CARD10: variants seen among roughly 807,000 people sequenced by gnomAD.
CARD10 encodes the protein caspase recruitment domain family member 10.
In CARD10, 49 loss-of-function variants were observed where a neutral mutation model predicts 114.6. That is an observed-to-expected ratio of 0.43 (90% CI 0.34 to 0.54). The LOEUF (loss-of-function observed/expected upper bound fraction) is 0.54, where lower values mean the gene tolerates loss of function less well. CARD10 is among the 20% of genes least tolerant of loss of function. The pLI, the probability that CARD10 is intolerant of heterozygous loss-of-function variation, is 0.03. For missense variants in CARD10, 1,206 were observed against 1,397.2 expected, an observed-to-expected ratio of 0.86 and a Z score of 2.18; for synonymous variants, 602 against 593.2, an observed-to-expected ratio of 1.01 and a Z score of -0.21.
chr22:37,496,848 C>T lies in CARD10; in HGVS notation c.1947+171G>A, dbSNP rs1408638971. 2.0e-5 allele frequency: 16 copies of T among 819,590 alleles called. No homozygotes were observed. The highest frequency in any genetic ancestry group is 2.9e-5 in the Non-Finnish European group (15 of 517,826). The allele number at this position is 819,590 out of a possible 1,614,324, so 50.8% of individuals were successfully genotyped here. A position where few individuals can be genotyped will look rare whatever the true frequency, so the allele number is the denominator to read the frequency against. ...ACCTCCCAGTCCCTGCCCAATCAGA[C>T]TTCAATTAAGCCTGGCTGAGCAGGC... On this transcript the variant is annotated intron_variant, in intron 12 of 19. Coordinates refer to ENST00000251973, the MANE Select transcript of CARD10 (RefSeq NM_014550.4). This position sits in a 1 kb window ranked among gnomAD's most constrained non-coding sequence, Gnocchi z 4.1.
Position 37,501,933 on chromosome 22 carries a change from G to A in CARD10, c.1787+669C>T, listed in dbSNP as rs1037554606. On this transcript the variant is annotated intron_variant, in intron 11 of 19. Coordinates refer to ENST00000251973, the MANE Select transcript of CARD10 (RefSeq NM_014550.4). The surrounding 1 kb of genome is among the most constrained non-coding windows in gnomAD (Gnocchi z 5.4). ...CCCTCGCTCCTCCTCCACAGTCACC[G>A]GATGCTCTCCCTACCTGCCCTCTCC... 5.3e-5 allele frequency among the ~76,000 whole-genome samples: 8 copies of A among 152,306 alleles called. No homozygotes were observed. Among genetic ancestry groups the A allele is most frequent in the East Asian group, 1.9e-4 (1 of 5,184 alleles).
rs893492438 is a variant in CARD10 at position 37,501,132 on chromosome 22, C to CCT, written c.1787+1468_1787+1469dup. Among the ~76,000 whole-genome samples, 3 of 151,636 alleles carry CCT rather than the reference C, an allele frequency of 2.0e-5. No individual in the cohort carries two copies. Among genetic ancestry groups the CCT allele is most frequent in the African/African-American group, 4.8e-5 (2 of 41,296 alleles). ...TCTCCCTCTCCTCTCCGCCTGTCTG[C>CCT]CTCTCTCTCTCTCTTTCTCTCTCTC... On this transcript the variant is annotated intron_variant, in intron 11 of 19. Coordinates refer to ENST00000251973, the MANE Select transcript of CARD10 (RefSeq NM_014550.4). This position sits in a 1 kb window ranked among gnomAD's most constrained non-coding sequence, Gnocchi z 5.4.
intron 15 of CARD10, among the ~76,000 whole-genome samples, chr22:37,495,160 G>T (rs999288294): frequency 6.6e-6 from 1 of 152,100 alleles, no homozygotes; most frequent in African/African-American, 2.4e-5. Flanking sequence ...TAGAGACGGG[G>T]TTTCACCGTG....
chr22:37,495,872 T>G lies in CARD10; in HGVS notation c.2191A>C (p.Ile731Leu). The G allele has an allele frequency of 6.2e-7, 1 of 1,614,036 alleles. No individual in the cohort carries two copies. The highest frequency in any genetic ancestry group is 8.5e-7 in the Non-Finnish European group (1 of 1,180,034). The change falls in exon 14 of 20, where the codon ATC (isoleucine) becomes CTC (leucine). Residue 731 changes from isoleucine (I) to leucine (L), a missense_variant. This residue lies in a region of CARD10 where 1,068 missense variants were observed against 1,179.1 expected (regional missense o/e 0.91). Transcript: ENST00000251973. ...TATGCCGAGTCCACCAGTCGAAGGA[T>G]CTCTTGGGCTTTCACGCAAAGGGCA... ...PHALCVKAQE[I>L]LRLVDSAYKR...
At chr22:37,517,022 T>G (rs1393114041) in intron 2 of CARD10, among the ~76,000 whole-genome samples, 6 of 152,230 alleles carry the variant, frequency 3.9e-5, no homozygotes, top group African/African-American at 9.6e-5. Flanking sequence ...GTAGGAGGTA[T>G]GTTGATTTAA....
At chr22:37,504,555 TC>T in intron 8 of CARD10, 79 bp downstream of exon 8, 1 of 1,454,794 alleles carries the variant, frequency 6.9e-7, no homozygotes, top group Non-Finnish European at 9.1e-7. Flanking sequence ...GTGAAATGGA[TC>T]CTTCAGAAAG....
rs1491025915 is a variant in CARD10, at chr22:37,495,606, CAT to C, written c.2304-22_2304-21del. Reference sequence around the variant, plus strand: ...TGGGCTCTGTGGGAGGGAGTGACATCATGTGTGTAGAAAGAAGGAAAGCTCCT... The same window carrying C: ...TGGGCTCTGTGGGAGGGAGTGACATCGTGTGTAGAAAGAAGGAAAGCTCCT... On this transcript the variant is annotated intron_variant, in intron 14 of 19. Transcript: ENST00000251973. The C allele has an allele frequency of 6.2e-7, 1 of 1,613,308 alleles. No individual in the cohort carries two copies. Among genetic ancestry groups the C allele is most frequent in the Non-Finnish European group, 8.5e-7 (1 of 1,179,640 alleles).
At chr22:37,507,722 G>T in intron 6 of CARD10, 107 bp downstream of exon 6, 3 of 1,383,836 alleles carry the variant, frequency 2.2e-6, no homozygotes, top group Non-Finnish European at 1.0e-6. Context: ...AACAGGGAGC[G>T]GCTAACGTCT....
chr22:37,490,852 C>T lies in CARD10; in HGVS notation c.*307G>A, dbSNP rs1024547119. 7.2e-6 allele frequency: 3 copies of T among 418,190 alleles called. No individual in the cohort carries two copies. Among genetic ancestry groups the T allele is most frequent in the African/African-American group, 2.0e-5 (1 of 49,532 alleles). 25.9% of individuals were successfully genotyped at this position (418,190 alleles called of 1,614,324 possible). On this transcript the variant is annotated 3_prime_UTR_variant, in exon 20 of 20. Transcript: ENST00000251973. ...GCAAACCTGCGCACAGGTGTGAGAA[C>T]AGACTCCAGGGCGAGTGTTTAAGGA...
chr22:37,495,420 A>C, intron 15 of CARD10, 97 bp downstream of exon 15: 1 of 870,402 alleles, frequency 1.1e-6, no homozygotes, highest in Non-Finnish European at 1.8e-6. Flanking sequence ...GGAGGGAGGG[A>C]GTGTCTTCCT....
intron 3 of CARD10, among the ~76,000 whole-genome samples, chr22:37,511,466 AAGG>A (rs1047509847): frequency 3.6e-5 from 5 of 139,894 alleles, no homozygotes; most frequent in Non-Finnish European, 7.7e-5. Context: ...GGAGAAGGAG[AAGG>A]AGGAGGCGGG....
At chr22:37,517,735 T>C (rs76520394) in intron 2 of CARD10, among the ~76,000 whole-genome samples, 1 of 152,250 alleles carries the variant, frequency 6.6e-6, no homozygotes, top group Non-Finnish European at 1.5e-5. Context: ...CTGAAAACAG[T>C]ATCACGAAGA....
intron 7 of CARD10, among the ~76,000 whole-genome samples, 159 bp from the exon 8 acceptor site, chr22:37,504,928 T>G (rs6000752): frequency 2.6e-5 from 4 of 152,108 alleles, no homozygotes; most frequent in African/African-American, 9.7e-5. Context: ...CCAGCAGACA[T>G]GTGAACAAAA....
chr22:37,495,251 C>A (rs1379626049), intron 15 of CARD10, among the ~76,000 whole-genome samples: 1 of 152,240 alleles, frequency 6.6e-6, no homozygotes, highest in Non-Finnish European at 1.5e-5. Flanking sequence ...CAGGCGTGAG[C>A]CACTGTGCCC....
chr22:37,512,458 C>A (rs917025624), intron 3 of CARD10, among the ~76,000 whole-genome samples: 7 of 130,168 alleles, frequency 5.4e-5, no homozygotes, highest in Non-Finnish European at 9.5e-5. Context: ...GAATGGCAGC[C>A]CCCCCTCCAC....
Position 37,519,103 on chromosome 22 carries a change from C to T in CARD10, c.98G>A (p.Gly33Asp). The T allele has an allele frequency of 6.3e-7, 1 of 1,588,592 alleles. No individual in the cohort carries two copies. The highest frequency in any genetic ancestry group is 1.1e-5 in the South Asian group (1 of 89,060). Residue 33 changes from glycine (G) to aspartate (D), a missense_variant, in exon 1 of 20, where the codon GGC becomes GAC. Physicochemically the swap from Gly to Asp is moderately conservative, Grantham distance 94. This residue lies in a region of CARD10 where 138 missense variants were observed against 218.0 expected (regional missense o/e 0.63). Transcript: ENST00000251973. The surrounding 1 kb of genome is among the most constrained non-coding windows in gnomAD (Gnocchi z 4.1). ...EEDALWERIEGVRHRLARALN... is the reference protein window; with the variant it reads ...EEDALWERIEDVRHRLARALN... ...GGCGCGAGCCAGCCGATGCCGGACG[C>T]CCTCGATTCGCTCCCACAGCGCGTC...
Position 37,516,090 on chromosome 22 carries a change from C to A in CARD10, c.582G>T (p.Ala194=). The stretch of plus-strand genomic sequence containing the variant: ...TGAGCCGCAGCAGCTCCAGGCTGCC[C>A]GCCTCCCAGTCCTCCCGCAGCCGTT... ...RCQRLREDWE[A]GSLELLRLKD... Residue 194 remains alanine (A), a synonymous_variant, in exon 3 of 20, where the codon GCG becomes GCT. Coordinates refer to ENST00000251973, the MANE Select transcript of CARD10 (RefSeq NM_014550.4). The A allele has an allele frequency of 6.3e-7, 1 of 1,595,480 alleles. No homozygotes were observed. Among genetic ancestry groups the A allele is most frequent in the East Asian group, 2.3e-5 (1 of 43,970 alleles).
Position 37,496,497 on chromosome 22 carries a change from A to G in CARD10, c.2011T>C (p.Leu671=), listed in dbSNP as rs777296878. 7.0e-5 allele frequency: 113 copies of G among 1,613,750 alleles called. 1 individual carries two copies. The South Asian group carries it at 1.2e-3, about 17-fold the overall frequency. Residue 671 remains leucine, a synonymous_variant, in exon 13 of 20, where the codon TTG becomes CTG. Transcript: ENST00000251973. The surrounding 1 kb of genome is among the most constrained non-coding windows in gnomAD (Gnocchi z 4.1). ...CLEAEAQQRT[L]LWNQGSTLPS... is the part of the protein sequence containing the mutation. Reference sequence around the variant, plus strand: ...AGTGTGGACCCCTGATTCCAGAGCAAGGTTCTCTGCTGGGCCTCGGCTTCC... The same window carrying G: ...AGTGTGGACCCCTGATTCCAGAGCAGGGTTCTCTGCTGGGCCTCGGCTTCC...
At chr22:37,491,471 A>C in intron 19 of CARD10, 78 bp from the exon 20 acceptor site, 1 of 1,035,628 alleles carries the variant, frequency 9.7e-7, no homozygotes, top group Non-Finnish European at 1.3e-6. Context: ...GGACAGACAA[A>C]GGGGGAAGAG....
Sources: allele counts gnomAD v4.1 joint callset (sites outside exome capture counted in the v4.1 genomes callset), GRCh38; gene constraint gnomAD v4.1.1; regional missense constraint gnomAD v4.1.1; non-coding constraint Gnocchi (gnomAD v3.1); transcripts MANE v1.5; gene names NCBI Gene and HGNC (gene_info 2026-07-23, HGNC 2026-07-21).